The following LUZP2 variants were observed in gnomAD, a reference collection of about 807,000 sequenced individuals.
The protein encoded by LUZP2 is leucine zipper protein 2.
A neutral mutation model predicts 51.6 loss-of-function variants in LUZP2; 52 were observed. The observed-to-expected ratio is 1.01, with a 90% CI of 0.81 to 1.27. The LOEUF (loss-of-function observed/expected upper bound fraction) is 1.27. Among genes scored for constraint, LUZP2 ranks in the 50% most tolerant of loss-of-function variants. The pLI is 0.00. For missense variants in LUZP2, 436 were observed against 395.4 expected, an observed-to-expected ratio of 1.10 and a Z score of -0.87; for synonymous variants, 154 against 137.3, an observed-to-expected ratio of 1.12 and a Z score of -0.85.
chr11:24,640,269 A>C (rs1855235373), intron 1 of LUZP2, among the ~76,000 whole-genome samples: 1 of 151,944 alleles, frequency 6.6e-6, no homozygotes. Context: ...CTGGGCGGAA[A>C]GTTAAGGGCA....
chr11:24,913,285 G>A (rs1346854447), intron 6 of LUZP2, among the ~76,000 whole-genome samples: 2 of 152,042 alleles, frequency 1.3e-5, no homozygotes, highest in Non-Finnish European at 2.9e-5. Flanking sequence ...TCTAGTTACT[G>A]GATTCTTTCA....
chr11:24,664,938 T>G (rs116217282), intron 1 of LUZP2, among the ~76,000 whole-genome samples: 1,700 of 152,040 alleles, frequency 0.011, 33 homozygotes, highest in African/African-American at 0.039. Flanking sequence ...CCCCATGGGG[T>G]CACTGCCTGG....
intron 1 of LUZP2, among the ~76,000 whole-genome samples, chr11:24,574,530 T>A (rs1363064919): frequency 1.3e-5 from 2 of 151,720 alleles, no homozygotes; most frequent in Non-Finnish European, 1.5e-5. Flanking sequence ...CAAAGAAAAA[T>A]TGCACTGTTC....
intron 5 of LUZP2, among the ~76,000 whole-genome samples, chr11:24,849,319 C>T (rs1215794253): frequency 1.3e-5 from 2 of 151,998 alleles, no homozygotes. Flanking sequence ...TGTGATGTTC[C>T]CCTCCCTGTG....
intron 1 of LUZP2, among the ~76,000 whole-genome samples, chr11:24,617,645 A>T (rs1261797738): frequency 6.6e-6 from 1 of 151,994 alleles, no homozygotes; most frequent in Non-Finnish European, 1.5e-5. Flanking sequence ...ACACAGTGAA[A>T]CCTCATCTCT....
At position 24,891,742 on chromosome 11, in the gene LUZP2, G is replaced by T. The variant is rs1044790180; in HGVS notation, c.397-14249G>T. ...TAGAATCTGAGTTAAATGTGCCATT[G>T]TTCTTCCCCAGATAACTTTTTGGAG... On this transcript the variant is annotated intron_variant, in intron 5 of 11. Coordinates refer to ENST00000336930, the MANE Select transcript of LUZP2 (RefSeq NM_001009909.4). 19 of 855,374 alleles carry T rather than the reference G, an allele frequency of 2.2e-5. No individual in the cohort carries two copies. In the Admixed American group the frequency reaches 9.4e-4, roughly 42 times the overall value. The allele number at this position is 855,374 out of a possible 1,614,324, so 53.0% of individuals were successfully genotyped here. A position where few individuals can be genotyped will look rare whatever the true frequency, so the allele number is the denominator to read the frequency against.
chr11:24,684,136 T>C (rs1856827793), intron 1 of LUZP2, among the ~76,000 whole-genome samples: 1 of 152,168 alleles, frequency 6.6e-6, no homozygotes, highest in Admixed American at 6.5e-5. Flanking sequence ...TTCAATAGCC[T>C]TCTAATAGGC....
At chr11:24,784,328 A>G (rs1401770096) in intron 5 of LUZP2, among the ~76,000 whole-genome samples, 3 of 151,864 alleles carry the variant, frequency 2.0e-5, no homozygotes, top group Non-Finnish European at 2.9e-5. Flanking sequence ...CTTATTTCAC[A>G]ATTAAGAATC....
intron 6 of LUZP2, among the ~76,000 whole-genome samples, chr11:24,908,574 G>C (rs1442270382): frequency 1.3e-5 from 2 of 152,034 alleles, no homozygotes; most frequent in Non-Finnish European, 2.9e-5. Context: ...TTATCCTTTT[G>C]ATAATTTTAG....
At chr11:24,563,414 A>G (rs896628887) in intron 1 of LUZP2, among the ~76,000 whole-genome samples, 1 of 152,230 alleles carries the variant, frequency 6.6e-6, no homozygotes, top group African/African-American at 2.4e-5. Flanking sequence ...TTTTAAATTG[A>G]AAATTTAATA....
chr11:24,983,262 C>G lies in LUZP2; in HGVS notation c.734C>G (p.Ser245Cys), dbSNP rs1458721331. The change falls in exon 9 of 12, where the codon TCT (serine) becomes TGT (cysteine). Residue 245 changes from serine (S) to cysteine (C), a missense_variant. By Grantham distance (112) the Ser-to-Cys change is moderately radical. Coordinates refer to ENST00000336930, the MANE Select transcript of LUZP2 (RefSeq NM_001009909.4). ...TTACTCCCACCCAGGAATATTGCCT[C>G]TAAGCTTCCAGATGCAGCGGCCAAA... is the stretch of plus-strand genomic sequence containing the variant. ...RMLLPPRNIA[S>C]KLPDAAAKSK... 6.2e-7 allele frequency: 1 copy of G among 1,611,948 alleles called. No individual in the cohort carries two copies. Among genetic ancestry groups the G allele is most frequent in the South Asian group, 1.1e-5 (1 of 91,002 alleles).
intron 4 of LUZP2, among the ~76,000 whole-genome samples, chr11:24,752,941 A>G (rs994266214): frequency 6.6e-6 from 1 of 152,116 alleles, no homozygotes; most frequent in Non-Finnish European, 1.5e-5. Context: ...AAAATATTGC[A>G]TATGTAACAT....
chr11:24,619,078 C>T (rs1378791181), intron 1 of LUZP2, among the ~76,000 whole-genome samples: 1 of 151,780 alleles, frequency 6.6e-6, no homozygotes, highest in African/African-American at 2.4e-5. Context: ...ACCCAAGTTG[C>T]AGTGCAATGG....
chr11:25,074,812 C>G (rs1859254171), intron 10 of LUZP2, among the ~76,000 whole-genome samples: 2 of 152,000 alleles, frequency 1.3e-5, no homozygotes, highest in African/African-American at 4.8e-5. Flanking sequence ...TAGCAGTCAC[C>G]TCCTGTGATT....
chr11:24,735,316 G>A (rs1420779692), intron 3 of LUZP2, among the ~76,000 whole-genome samples: 1 of 151,830 alleles, frequency 6.6e-6, no homozygotes, highest in Non-Finnish European at 1.5e-5. Flanking sequence ...CAGGTGAATG[G>A]AGAGATTTTA....
chr11:24,937,733 C>G (rs1002085149), intron 7 of LUZP2, among the ~76,000 whole-genome samples: 1 of 151,974 alleles, frequency 6.6e-6, no homozygotes, highest in Admixed American at 6.6e-5. Flanking sequence ...AACCCCGTCT[C>G]TACTAACAAT....
rs1319068622 is a variant in LUZP2, at chr11:25,079,511, A to T, written c.*853A>T. ...CACAAAACAGGGGTCTGATGAAAGTACAATAGCCATGTTGATTCAATAAAC... is the reference window on the plus strand; with the variant it reads ...CACAAAACAGGGGTCTGATGAAAGTTCAATAGCCATGTTGATTCAATAAAC... On this transcript the variant is annotated 3_prime_UTR_variant, in exon 12 of 12. Transcript: ENST00000336930. 6.6e-6 allele frequency: 1 copy of T among 152,184 alleles called. No individual in the cohort carries two copies. Among genetic ancestry groups the T allele is most frequent in the Non-Finnish European group, 1.5e-5 (1 of 68,012 alleles). 9.4% of individuals were successfully genotyped at this position (152,184 alleles called of 1,614,324 possible).
chr11:25,008,149 C>A (rs1462133060), intron 9 of LUZP2, among the ~76,000 whole-genome samples: 3 of 152,216 alleles, frequency 2.0e-5, no homozygotes, highest in Non-Finnish European at 4.4e-5. Context: ...GCTCTGCCCA[C>A]TCGGCCTATT....
intron 1 of LUZP2, among the ~76,000 whole-genome samples, chr11:24,636,671 CA>C (rs1855117231): frequency 6.6e-6 from 1 of 152,128 alleles, no homozygotes; most frequent in Non-Finnish European, 1.5e-5. Context: ...AACATGAATC[CA>C]GCCCACAATC....
Sources: allele counts gnomAD v4.1 joint callset (sites outside exome capture counted in the v4.1 genomes callset), GRCh38; gene constraint gnomAD v4.1.1; transcripts MANE v1.5; gene names NCBI Gene and HGNC (gene_info 2026-07-23, HGNC 2026-07-21).